Variants in PDE7A observed in about 807,000 individuals in gnomAD.
PDE7A encodes phosphodiesterase 7A.
Under a neutral mutation model 64.3 loss-of-function variants are expected in PDE7A, and 39 were observed. The ratio of observed to expected loss-of-function variants is 0.61; its 90% confidence interval spans 0.47 to 0.79. The LOEUF (loss-of-function observed/expected upper bound fraction) is 0.79, where lower values mean the gene tolerates loss of function less well. Among genes scored for constraint, PDE7A ranks in the 30% least tolerant of loss-of-function variants. PDE7A has a pLI of 0.00. For missense variants in PDE7A, 470 were observed against 582.8 expected (o/e 0.81, Z 1.99); for synonymous variants, 203 against 206.8 (o/e 0.98, Z 0.16).
rs544604547 is a variant in PDE7A at position 65,726,901 on chromosome 8, T to C, written c.894A>G (p.Leu298=). 865 of 1,604,220 alleles carry C rather than the reference T, an allele frequency of 5.4e-4. 11 individuals carry two copies. The South Asian group carries it at 9.1e-3, about 17-fold the overall frequency. ...TGCTTTCTAATGGCAGATGTGAGAA[T>C]AAGCCTGATTCTCTCAATAAGCCCA... ...SAVGLLRESG[L]FSHLPLESRQ... Residue 298 remains leucine (L), a synonymous_variant, in exon 9 of 13, where the codon TTA becomes TTG. Coordinates refer to ENST00000401827, the MANE Select transcript of PDE7A (RefSeq NM_001242318.3).
chr8:65,772,321 G>A lies in PDE7A; in HGVS notation c.283+7399C>T, dbSNP rs546756836. 5.2e-3 allele frequency among the ~76,000 whole-genome samples: 793 copies of A among 152,254 alleles called. 6 individuals carry two copies. The highest frequency in any genetic ancestry group is 0.01 in the Middle Eastern group (3 of 294). On this transcript the variant is annotated intron_variant, in intron 3 of 12. Transcript: ENST00000401827. ...GCATGTAAATTTTTGTATCATTAGG[G>A]AAAATAGTCTTATTTTTAATTCTAT...
chr8:65,828,236 G>GAATA (rs1370119041), intron 1 of PDE7A, among the ~76,000 whole-genome samples: 1 of 151,736 alleles, frequency 6.6e-6, no homozygotes, highest in East Asian at 1.9e-4. Context: ...ACATTATACT[G>GAATA]AATAACCTTC....
chr8:65,782,774 A>G lies in PDE7A; in HGVS notation c.199+9T>C, dbSNP rs1261367527. ...TAACTGATATTGGTATAAAATAAAT[A>G]ATGCTTACCTAGCATACGAATGTAT... On this transcript the variant is annotated intron_variant, in intron 2 of 12. Transcript: ENST00000401827. The G allele has an allele frequency of 6.7e-7, 1 of 1,503,708 alleles. No homozygotes were observed. The highest frequency in any genetic ancestry group is 9.2e-7 in the Non-Finnish European group (1 of 1,086,822). 93.1% of individuals were successfully genotyped at this position (1,503,708 alleles called of 1,614,324 possible).
At chr8:65,804,545 T>G (rs1441425966) in intron 1 of PDE7A, among the ~76,000 whole-genome samples, 1 of 149,450 alleles carries the variant, frequency 6.7e-6, no homozygotes, top group Non-Finnish European at 1.5e-5. Context: ...TGTTGCTTTT[T>G]TTTTTTTTTT....
intron 12 of PDE7A, 90 bp from the exon 13 acceptor site, chr8:65,719,585 C>A: frequency 1.2e-6 from 1 of 809,830 alleles, no homozygotes; most frequent in South Asian, 1.6e-5. Flanking sequence ...TTCCTACATC[C>A]TACTCCAGTA....
intron 7 of PDE7A, among the ~76,000 whole-genome samples, chr8:65,729,364 C>CTTT (rs10540107): frequency 9.7e-4 from 78 of 80,060 alleles, no homozygotes; most frequent in South Asian, 3.7e-3. Context: ...TTGGTGGTAG[C>CTTT]TTTTTTTTTT....
chr8:65,816,140 T>C (rs1810395431), intron 1 of PDE7A, among the ~76,000 whole-genome samples: 1 of 152,238 alleles, frequency 6.6e-6, no homozygotes, highest in African/African-American at 2.4e-5. Context: ...AGTTTTAATT[T>C]CTAATACAAT....
At chr8:65,741,302 T>C (rs1391716474) in intron 5 of PDE7A, among the ~76,000 whole-genome samples, 1 of 152,196 alleles carries the variant, frequency 6.6e-6, no homozygotes, top group Non-Finnish European at 1.5e-5. Flanking sequence ...TCTAGTATTC[T>C]CTCGTCTATG....
At chr8:65,835,693 T>G (rs1368480019) in intron 1 of PDE7A, among the ~76,000 whole-genome samples, 2 of 152,162 alleles carry the variant, frequency 1.3e-5, no homozygotes, top group East Asian at 3.8e-4. Context: ...GTGAGCTCCC[T>G]CTCTTCCTAA....
At chr8:65,781,353 G>A (rs1378230073) in intron 2 of PDE7A, among the ~76,000 whole-genome samples, 1 of 152,118 alleles carries the variant, frequency 6.6e-6, no homozygotes, top group Non-Finnish European at 1.5e-5. Context: ...GGGTGGGGTG[G>A]AGAGGCAGTG....
intron 1 of PDE7A, among the ~76,000 whole-genome samples, chr8:65,840,101 C>T (rs1285914625): frequency 6.6e-6 from 1 of 152,178 alleles, no homozygotes; most frequent in Non-Finnish European, 1.5e-5. Context: ...GGAATCTGAA[C>T]ATGCTTTAAG....
intron 3 of PDE7A, chr8:65,770,955 C>A: frequency 3.9e-6 from 1 of 257,348 alleles, no homozygotes; most frequent in South Asian, 3.7e-5. Context: ...AGAAAAGACT[C>A]GTTAAAGTCA....
chr8:65,818,742 T>G (rs913142357), intron 1 of PDE7A, among the ~76,000 whole-genome samples: 4 of 152,214 alleles, frequency 2.6e-5, no homozygotes, highest in African/African-American at 9.7e-5. Context: ...AGGTCTCTGT[T>G]GAGCACATGC....
At chr8:65,743,175 T>G (rs17304921) in intron 5 of PDE7A, among the ~76,000 whole-genome samples, 5,980 of 152,310 alleles carry the variant, frequency 0.039, 174 homozygotes, top group Non-Finnish European at 0.06. Context: ...AGTGGCATTG[T>G]TTCATCTATA....
downstream of PDE7A, chr8:65,723,622 C>A: frequency 6.5e-7 from 1 of 1,539,474 alleles, no homozygotes; most frequent in South Asian, 1.3e-5. Flanking sequence ...TCTATATCTC[C>A]TATAAATTAA....
intron 1 of PDE7A, among the ~76,000 whole-genome samples, chr8:65,809,363 T>G (rs1381109417): frequency 6.6e-6 from 1 of 152,184 alleles, no homozygotes; most frequent in Non-Finnish European, 1.5e-5. Context: ...ATTTGCTCAG[T>G]GCTTTGAAGA....
At chr8:65,728,762 GCAGAAGAATAGA>G (rs1806713454) in intron 7 of PDE7A, among the ~76,000 whole-genome samples, 1 of 152,030 alleles carries the variant, frequency 6.6e-6, no homozygotes, top group Non-Finnish European at 1.5e-5. Context: ...ATTCTTATTG[GCAGAAGAATAGA>G]CATCCTGGGA....
intron 3 of PDE7A, among the ~76,000 whole-genome samples, chr8:65,767,001 A>AAACAACAACAAC (rs149118435): frequency 6.0e-5 from 9 of 150,974 alleles, no homozygotes; most frequent in East Asian, 1.9e-4. Context: ...TGCTCATTCA[A>AAACAACAACAAC]AACAACAACA....
Position 65,802,734 on chromosome 8 carries a change from T to A in PDE7A, c.139-19891A>T, listed in dbSNP as rs182895803. ...TAAAACTTGCAAACCTGAAAAATCA[T>A]CTCTCTTTAACTAGTATGATATAGT... On this transcript the variant is annotated intron_variant, in intron 1 of 12. Coordinates refer to ENST00000401827, the MANE Select transcript of PDE7A (RefSeq NM_001242318.3). Among the ~76,000 whole-genome samples, 133 of 152,318 alleles carry A rather than the reference T, an allele frequency of 8.7e-4. 1 individual carries two copies. Among genetic ancestry groups the A allele is most frequent in the Admixed American group, 3.2e-3 (49 of 15,302 alleles).
Sources: gnomAD v4.1 joint callset for allele counts (sites outside exome capture counted in the v4.1 genomes callset) on GRCh38, gnomAD v4.1.1 for gene constraint, MANE v1.5 for transcripts, NCBI Gene and HGNC (gene_info 2026-07-23, HGNC 2026-07-21) for gene names.